The following RGSL1 variants were observed in gnomAD, a reference collection of about 807,000 sequenced individuals.
RGSL1 encodes regulator of G protein signaling like 1.
A neutral mutation model predicts 124.7 loss-of-function variants in RGSL1; 97 were observed. The ratio of observed to expected loss-of-function variants is 0.78; its 90% confidence interval spans 0.66 to 0.92. RGSL1 has a LOEUF of 0.92. RGSL1 is among the 40% of genes least tolerant of loss of function. The probability of loss-of-function intolerance (pLI) is 0.00; values close to 1 mark genes in which losing one functional copy is unlikely to be tolerated. For missense variants in RGSL1, 1,233 were observed against 1,288.4 expected (o/e 0.96, Z 0.66); for synonymous variants, 424 against 438.1 (o/e 0.97, Z 0.40).
At chr1:182,494,697 A>G (rs1488849076) in intron 9 of RGSL1, among the ~76,000 whole-genome samples, 1 of 152,148 alleles carries the variant, frequency 6.6e-6, no homozygotes, top group Admixed American at 6.6e-5. Context: ...TACTGAAGAC[A>G]CACCTTATAA....
chr1:182,528,834 A>G (rs1571662475), intron 11 of RGSL1, among the ~76,000 whole-genome samples: 2 of 152,340 alleles, frequency 1.3e-5, no homozygotes. Context: ...TATGAAGAAA[A>G]GAGGTTTAAT....
Position 182,520,500 on chromosome 1 carries a change from C to T in RGSL1, c.1826-1504C>T, listed in dbSNP as rs778878710. On this transcript the variant is annotated intron_variant, in intron 9 of 21. Transcript: ENST00000294854. ...GTCTTGTGTCCCATTGTGACTTTAA[C>T]ACTGCAAATGCCTTTAGGGTGGCTA... 4.2e-4 allele frequency among the ~76,000 whole-genome samples: 64 copies of T among 152,188 alleles called. 1 individual carries two copies. The highest frequency in any genetic ancestry group is 3.6e-3 in the Admixed American group (55 of 15,282).
Position 182,511,918 on chromosome 1 carries a change from C to T in RGSL1, c.1826-10086C>T, listed in dbSNP as rs528031060. Among the ~76,000 whole-genome samples the T allele has an allele frequency of 6.0e-4, 92 of 152,158 alleles. 1 individual carries two copies. Among genetic ancestry groups the T allele is most frequent in the African/African-American group, 2.0e-3 (85 of 41,508 alleles). On this transcript the variant is annotated intron_variant, in intron 9 of 21. Transcript: ENST00000294854. ...ATATCTTCTTTTTTGTTTCTTTCAT[C>T]AGCGTTTTGTAATTTTTCTTGTATA...
chr1:182,455,823 C>T (rs191755992), intron 2 of RGSL1, among the ~76,000 whole-genome samples: 70 of 152,330 alleles, frequency 4.6e-4, no homozygotes, highest in African/African-American at 1.7e-3. Flanking sequence ...ATCAGGCAAA[C>T]TATGCCTAGG....
intron 19 of RGSL1, 64 bp from the exon 20 acceptor site, chr1:182,554,563 G>A (rs1010155965): frequency 2.1e-6 from 3 of 1,411,260 alleles, no homozygotes; most frequent in Non-Finnish European, 2.9e-6. Flanking sequence ...CAGGGTGGAG[G>A]CCTTTCAGTG....
At chr1:182,512,823 C>T (rs1454058887) in intron 9 of RGSL1, among the ~76,000 whole-genome samples, 1 of 152,142 alleles carries the variant, frequency 6.6e-6, no homozygotes, top group Non-Finnish European at 1.5e-5. Context: ...GATGATCTTC[C>T]CCTGGAGTTT....
intron 10 of RGSL1, among the ~76,000 whole-genome samples, chr1:182,523,130 A>G (rs1351656808): frequency 1.3e-5 from 2 of 150,968 alleles, no homozygotes; most frequent in African/African-American, 2.4e-5. Context: ...CGACCTCCCT[A>G]GGCTCAAGTG....
intron 9 of RGSL1, among the ~76,000 whole-genome samples, chr1:182,495,107 G>T (rs3843286): frequency 0.037 from 5,618 of 152,242 alleles, 144 homozygotes; most frequent in Middle Eastern, 0.065. Flanking sequence ...TCACTAAGTG[G>T]CTGGCTTTTA....
chr1:182,554,793 C>T (rs1660769796), intron 20 of RGSL1, 100 bp downstream of exon 20: 2 of 1,151,110 alleles, frequency 1.7e-6, no homozygotes, highest in Admixed American at 4.0e-5. Context: ...GCCTCATACC[C>T]TGCCTCTCCT....
intron 6 of RGSL1, among the ~76,000 whole-genome samples, chr1:182,478,381 A>G (rs1305812185): frequency 1.3e-5 from 2 of 152,202 alleles, no homozygotes; most frequent in East Asian, 3.8e-4. Context: ...CCAAATAGAA[A>G]TCCTGGAGCT....
upstream of RGSL1, chr1:182,448,248 G>A (rs11807308): frequency 0.11 from 16,153 of 153,062 alleles, 938 homozygotes; most frequent in African/African-American, 0.15. Context: ...TTGAGACAGA[G>A]TCTCATTCTG....
upstream of RGSL1, among the ~76,000 whole-genome samples, chr1:182,448,526 A>T (rs977922743): frequency 6.6e-6 from 1 of 152,092 alleles, no homozygotes. Context: ...ATCTGGCCCC[A>T]ATATTTTCTA....
At chr1:182,521,414 A>G (rs548616684) in intron 9 of RGSL1, among the ~76,000 whole-genome samples, 2 of 152,362 alleles carry the variant, frequency 1.3e-5, no homozygotes, top group African/African-American at 4.8e-5. Context: ...TGGTTTCTAA[A>G]TGGCAATAGG....
At chr1:182,539,039 C>T (rs957090822) in intron 14 of RGSL1, among the ~76,000 whole-genome samples, 1 of 152,090 alleles carries the variant, frequency 6.6e-6, no homozygotes, top group Admixed American at 6.6e-5. Flanking sequence ...TGGTAAGAGC[C>T]AGCTGTTAAA....
intron 9 of RGSL1, among the ~76,000 whole-genome samples, chr1:182,495,535 G>A (rs1655848448): frequency 6.6e-6 from 1 of 152,188 alleles, no homozygotes; most frequent in Non-Finnish European, 1.5e-5. Context: ...CACTGCCCAT[G>A]AGTATGTATA....
intron 9 of RGSL1, among the ~76,000 whole-genome samples, chr1:182,504,735 G>T (rs1656684944): frequency 1.3e-5 from 2 of 151,990 alleles, no homozygotes; most frequent in Admixed American, 6.6e-5. Context: ...GTCATATAGA[G>T]TTTTGACAGT....
chr1:182,465,849 A>C (rs1653277634), intron 4 of RGSL1, among the ~76,000 whole-genome samples: 1 of 152,146 alleles, frequency 6.6e-6, no homozygotes. Flanking sequence ...AAGCCAAACA[A>C]GGCACTATAA....
chr1:182,482,487 G>A (rs1389713804), intron 6 of RGSL1, among the ~76,000 whole-genome samples: 1 of 152,218 alleles, frequency 6.6e-6, no homozygotes, highest in Non-Finnish European at 1.5e-5. Flanking sequence ...TCTGTTTGCA[G>A]ATGACATGAT....
chr1:182,557,656 C>A lies in RGSL1; in HGVS notation c.*165+1434C>A, dbSNP rs747706174. Among the ~76,000 whole-genome samples, 103 of 152,278 alleles carry A rather than the reference C, an allele frequency of 6.8e-4. 1 individual carries two copies. The Middle Eastern group carries it at 0.027, about 40-fold the overall frequency. On this transcript the variant is annotated intron_variant, in intron 21 of 21. Transcript: ENST00000294854. ...CCCCATCTTCCTATTTCTTAATTATCTTTCTCTCCACATTCACCATGGTTA... is the reference window on the plus strand; with the variant it reads ...CCCCATCTTCCTATTTCTTAATTATATTTCTCTCCACATTCACCATGGTTA...
Sources: gnomAD v4.1 joint callset for allele counts (sites outside exome capture counted in the v4.1 genomes callset) on GRCh38, gnomAD v4.1.1 for gene constraint, MANE v1.5 for transcripts, NCBI Gene and HGNC (gene_info 2026-07-23, HGNC 2026-07-21) for gene names.